The following DPY19L1 variants were observed in gnomAD, a reference collection of about 807,000 sequenced individuals.
The protein encoded by DPY19L1 is dpy-19 like C-mannosyltransferase 1, also known as protein C-mannosyl-transferase DPY19L1.
A neutral mutation model predicts 96.9 loss-of-function variants in DPY19L1; 35 were observed. That is an observed-to-expected ratio of 0.36 (90% CI 0.28 to 0.48). The LOEUF (loss-of-function observed/expected upper bound fraction) is 0.48, where lower values mean the gene tolerates loss of function less well. Among genes scored for constraint, DPY19L1 ranks in the 20% least tolerant of loss-of-function variants. DPY19L1 has a pLI of 0.99. For synonymous variants in DPY19L1, 205 were observed against 252.6 expected, an observed-to-expected ratio of 0.81 and a Z score of 1.79; for missense variants, 521 against 777.9, an observed-to-expected ratio of 0.67 and a Z score of 3.93.
chr7:34,966,996 G>A, intron 9 of DPY19L1, 25 bp from the exon 10 acceptor site: 1 of 1,476,164 alleles, frequency 6.8e-7, no homozygotes, highest in Non-Finnish European at 9.1e-7. Flanking sequence ...GAAATTAGAA[G>A]TAAAAAAGAT....
intron 6 of DPY19L1, among the ~76,000 whole-genome samples, chr7:35,005,895 C>G (rs907361146): frequency 6.6e-6 from 1 of 151,848 alleles, no homozygotes; most frequent in African/African-American, 2.4e-5. Flanking sequence ...TGGGAAGGAA[C>G]CAGGAAAGCA....
intron 1 of DPY19L1, among the ~76,000 whole-genome samples, chr7:35,030,398 C>G (rs947627817): frequency 6.6e-6 from 1 of 152,208 alleles, no homozygotes; most frequent in Non-Finnish European, 1.5e-5. Context: ...GACTTATAAA[C>G]TGTGTTTACA....
chr7:34,986,373 T>C (rs1271432270), intron 7 of DPY19L1, among the ~76,000 whole-genome samples: 1 of 152,068 alleles, frequency 6.6e-6, no homozygotes, highest in Non-Finnish European at 1.5e-5. Context: ...TTCTACAATG[T>C]ATACATAAAT....
At chr7:34,968,816 T>C (rs1451416716) in intron 9 of DPY19L1, among the ~76,000 whole-genome samples, 1 of 133,438 alleles carries the variant, frequency 7.5e-6, no homozygotes, top group African/African-American at 2.8e-5. Flanking sequence ...AACTGCTTTA[T>C]ACAAATATAT....
chr7:34,999,251 T>C (rs1785368084), intron 6 of DPY19L1, among the ~76,000 whole-genome samples: 1 of 152,152 alleles, frequency 6.6e-6, no homozygotes, highest in South Asian at 2.1e-4. Flanking sequence ...AAGGAACTAA[T>C]GGTAGAATAG....
At chr7:34,936,185 T>C in intron 21 of DPY19L1, among the ~76,000 whole-genome samples, 2 of 152,236 alleles carry the variant, frequency 1.3e-5, no homozygotes, top group Non-Finnish European at 2.9e-5. Context: ...TGATTTTGTT[T>C]AGTGTGCAAA....
At position 34,973,534 on chromosome 7, in the gene DPY19L1, C is replaced by A; in HGVS notation, c.894G>T (p.Leu298Phe). The change falls in exon 8 of 22, where the codon TTG becomes TTT. Residue 298 changes from leucine to phenylalanine, a missense_variant. Coordinates refer to ENST00000638088, the MANE Select transcript of DPY19L1 (RefSeq NM_001366673.1). ...GTTACCTGAGAATATGAGTCACTAG[C>A]AACATCTGAAGAACAAGAAATGGAT... ...FSYPFLVLQM[L>F]LVTHILRATK... The A allele has an allele frequency of 1.3e-6, 2 of 1,538,758 alleles. No homozygotes were observed. Among genetic ancestry groups the A allele is most frequent in the Non-Finnish European group, 1.8e-6 (2 of 1,142,190 alleles).
At chr7:34,973,139 T>C (rs13311110) in intron 8 of DPY19L1, among the ~76,000 whole-genome samples, 12 of 152,222 alleles carry the variant, frequency 7.9e-5, no homozygotes, top group African/African-American at 1.2e-4. Flanking sequence ...CTGTGAATTA[T>C]CCTTTGCCCC....
In DPY19L1 at chr7:34,944,660, T is replaced by C. The variant is rs184677920; in HGVS notation, c.1544+1007A>G. The stretch of plus-strand genomic sequence containing the variant: ...TATACTGGACCTATTTCCAGAAAGA[T>C]AGCCTAACATTCCACTCTATGTATC... On this transcript the variant is annotated intron_variant, in intron 16 of 21. Transcript: ENST00000638088. 5.3e-5 allele frequency among the ~76,000 whole-genome samples: 8 copies of C among 152,206 alleles called. No individual in the cohort carries two copies. In the South Asian group the frequency reaches 8.3e-4, roughly 16 times the overall value.
intron 19 of DPY19L1, 53 bp from the exon 20 acceptor site, chr7:34,939,428 G>C: frequency 6.8e-7 from 1 of 1,472,902 alleles, no homozygotes. Flanking sequence ...GCGAGAAGGT[G>C]TCTCCTTCAA....
chr7:34,959,565 G>T (rs1784447818), intron 10 of DPY19L1, among the ~76,000 whole-genome samples: 1 of 151,922 alleles, frequency 6.6e-6, no homozygotes, highest in South Asian at 2.1e-4. Context: ...TCCTTTGCAG[G>T]GACATAGATG....
chr7:35,022,980 C>A (rs1354411162), intron 1 of DPY19L1, among the ~76,000 whole-genome samples: 1 of 152,168 alleles, frequency 6.6e-6, no homozygotes, highest in Non-Finnish European at 1.5e-5. Context: ...CCGGCCTGCT[C>A]CCTGTGGCCA....
At chr7:34,981,437 T>C (rs543115199) in intron 7 of DPY19L1, among the ~76,000 whole-genome samples, 2 of 152,170 alleles carry the variant, frequency 1.3e-5, no homozygotes, top group Non-Finnish European at 2.9e-5. Flanking sequence ...GTAAATGTTA[T>C]GGGGGAAGAG....
intron 1 of DPY19L1, among the ~76,000 whole-genome samples, chr7:35,034,935 G>C (rs1786352077): frequency 6.6e-6 from 1 of 152,148 alleles, no homozygotes; most frequent in Non-Finnish European, 1.5e-5. Context: ...TTCTGGGAGG[G>C]GGGAAGAAAA....
chr7:35,019,464 A>T (rs1199759601), intron 1 of DPY19L1, among the ~76,000 whole-genome samples: 1 of 150,878 alleles, frequency 6.6e-6, no homozygotes, highest in East Asian at 1.9e-4. Flanking sequence ...CAAAAAAACA[A>T]AAGAAAGAGA....
At chr7:35,018,030 G>A in intron 2 of DPY19L1, 61 bp from the exon 3 acceptor site, 1 of 1,285,658 alleles carries the variant, frequency 7.8e-7, no homozygotes. Flanking sequence ...ATTTTTTAAA[G>A]TAAGCTAAAA....
intron 21 of DPY19L1, 40 bp downstream of exon 21, chr7:34,937,954 T>C (rs754379455): frequency 6.3e-7 from 1 of 1,599,278 alleles, no homozygotes; most frequent in South Asian, 1.1e-5. Flanking sequence ...TTAACCTTCA[T>C]GTCTTATGAT....
At chr7:34,937,871 G>T (rs1783905107) in intron 21 of DPY19L1, 123 bp downstream of exon 21, 13 of 1,028,570 alleles carry the variant, frequency 1.3e-5, no homozygotes, top group Non-Finnish European at 1.8e-5. Flanking sequence ...AAAAAAAGAA[G>T]AAGTTTTTCC....
At chr7:35,035,222 T>C (rs570300797) in intron 1 of DPY19L1, among the ~76,000 whole-genome samples, 66 of 152,358 alleles carry the variant, frequency 4.3e-4, no homozygotes, top group Middle Eastern at 3.4e-3. Flanking sequence ...CTGATGGCCA[T>C]GGTCCAGGGT....
Sources: allele counts gnomAD v4.1 joint callset (sites outside exome capture counted in the v4.1 genomes callset), GRCh38; gene constraint gnomAD v4.1.1; transcripts MANE v1.5; gene names NCBI Gene and HGNC (gene_info 2026-07-23, HGNC 2026-07-21).